TTC27: variants seen among roughly 807,000 people sequenced by gnomAD.
The protein encoded by TTC27 is tetratricopeptide repeat protein 27.
TTC27 carries 79 observed loss-of-function variants against 115.9 expected under a neutral mutation model. The observed-to-expected ratio is 0.68, with a 90% CI of 0.57 to 0.82. The LOEUF (loss-of-function observed/expected upper bound fraction) is 0.82. TTC27 is among the 40% of genes least tolerant of loss of function. The pLI, the probability that TTC27 is intolerant of heterozygous loss-of-function variation, is 0.00. For missense variants in TTC27, 1,054 were observed against 993.1 expected (o/e 1.06, Z -0.82); for synonymous variants, 401 against 356.0 (o/e 1.13, Z -1.42).
chr2:32,691,435 A>AT (rs1189239467), intron 9 of TTC27, among the ~76,000 whole-genome samples: 2 of 151,344 alleles, frequency 1.3e-5, no homozygotes, highest in Non-Finnish European at 2.9e-5. Context: ...AGTAGCTGGG[A>AT]TTACAGGCAC....
chr2:32,806,749 C>T lies in TTC27; in HGVS notation c.1999-4275C>T, dbSNP rs59338033. On this transcript the variant is annotated intron_variant, in intron 16 of 19. Coordinates refer to ENST00000317907, the MANE Select transcript of TTC27 (RefSeq NM_017735.5). ...TGAGCCAAGATCGCGCCACTGCACT[C>T]CAGCTTGACCGACAGCGAGACTTTG... Among the ~76,000 whole-genome samples the T allele has an allele frequency of 8.8e-3, 1,340 of 152,006 alleles. 12 individuals carry two copies. The highest frequency in any genetic ancestry group is 0.015 in the Non-Finnish European group (1,023 of 67,976).
chr2:32,682,096 A>G (rs1666452042), intron 9 of TTC27, among the ~76,000 whole-genome samples: 1 of 151,274 alleles, frequency 6.6e-6, no homozygotes, highest in South Asian at 2.1e-4. Flanking sequence ...TAGGCTCTCT[A>G]CAAGGGTTGT....
intron 14 of TTC27, among the ~76,000 whole-genome samples, chr2:32,782,365 A>G (rs1170634940): frequency 2.0e-5 from 3 of 152,234 alleles, no homozygotes; most frequent in African/African-American, 7.2e-5. Flanking sequence ...TTGTAAGTCT[A>G]AATTTGAAAA....
chr2:32,657,176 G>C (rs1365713161), intron 5 of TTC27, among the ~76,000 whole-genome samples: 1 of 151,518 alleles, frequency 6.6e-6, no homozygotes, highest in African/African-American at 2.4e-5. Context: ...CAGTAGAGAC[G>C]GGGTTTCACT....
At chr2:32,676,954 A>T (rs1331337164) in intron 8 of TTC27, among the ~76,000 whole-genome samples, 1 of 151,750 alleles carries the variant, frequency 6.6e-6, no homozygotes, top group Non-Finnish European at 1.5e-5. Flanking sequence ...TATTAAGAAT[A>T]TTTAATATTC....
Position 32,676,580 on chromosome 2 carries a change from G to A in TTC27, c.1053-2276G>A, listed in dbSNP as rs1172560422. On this transcript the variant is annotated intron_variant, in intron 8 of 19. Coordinates refer to ENST00000317907, the MANE Select transcript of TTC27 (RefSeq NM_017735.5). ...GATCTTGGCTCACTGCAACCTCTGC[G>A]TCCTGGGTTCAAGCAGTTCTCTGCC... 3.4e-5 allele frequency among the ~76,000 whole-genome samples: 5 copies of A among 148,388 alleles called. No individual in the cohort carries two copies. The East Asian group carries it at 1.0e-3, about 30-fold the overall frequency.
chr2:32,634,327 C>G (rs1290928624), intron 3 of TTC27, among the ~76,000 whole-genome samples: 1 of 151,608 alleles, frequency 6.6e-6, no homozygotes. Flanking sequence ...TGGTATCTCA[C>G]TCAGTCATCC....
intron 12 of TTC27, among the ~76,000 whole-genome samples, chr2:32,749,945 A>G (rs1260495913): frequency 2.6e-5 from 4 of 152,236 alleles, no homozygotes; most frequent in Non-Finnish European, 5.9e-5. Flanking sequence ...GGCCTGTTTT[A>G]TGGAAGCAGA....
chr2:32,757,485 T>C (rs1241920679), intron 12 of TTC27, among the ~76,000 whole-genome samples: 2 of 152,328 alleles, frequency 1.3e-5, no homozygotes, highest in East Asian at 1.9e-4. Flanking sequence ...CTTCACTTTA[T>C]AGCACCTCAC....
At chr2:32,675,773 A>G (rs1212545980) in intron 8 of TTC27, among the ~76,000 whole-genome samples, 1 of 151,856 alleles carries the variant, frequency 6.6e-6, no homozygotes, top group Non-Finnish European at 1.5e-5. Context: ...GGAGACTTAG[A>G]GAAGGTGAAT....
chr2:32,666,866 C>G, intron 7 of TTC27, 98 bp downstream of exon 7: 2 of 1,344,558 alleles, frequency 1.5e-6, no homozygotes, highest in Non-Finnish European at 1.0e-6. Flanking sequence ...TGGGGACAGA[C>G]TTCATTTTAT....
intron 10 of TTC27, among the ~76,000 whole-genome samples, chr2:32,707,130 G>T (rs1290238457): frequency 6.6e-6 from 1 of 152,182 alleles, no homozygotes; most frequent in Non-Finnish European, 1.5e-5. Context: ...CCTTTTAGCA[G>T]TTCTGAGCCA....
At chr2:32,782,970 AC>A (rs1413118563) in intron 15 of TTC27, among the ~76,000 whole-genome samples, 1 of 152,196 alleles carries the variant, frequency 6.6e-6, no homozygotes, top group Non-Finnish European at 1.5e-5. Flanking sequence ...ATAAAAGCAA[AC>A]ATATGTTTAG....
chr2:32,809,324 T>C (rs1030408020), intron 16 of TTC27, among the ~76,000 whole-genome samples: 2 of 152,202 alleles, frequency 1.3e-5, no homozygotes, highest in Non-Finnish European at 2.9e-5. Context: ...GCAATTGCAA[T>C]ATGCCAGGCA....
At chr2:32,685,250 G>C (rs971427385) in intron 9 of TTC27, among the ~76,000 whole-genome samples, 1 of 151,970 alleles carries the variant, frequency 6.6e-6, no homozygotes, top group Admixed American at 6.6e-5. Flanking sequence ...GGCTGTTCTT[G>C]AACTCCTGAC....
chr2:32,671,752 A>G (rs564289455), intron 7 of TTC27, among the ~76,000 whole-genome samples: 2 of 152,302 alleles, frequency 1.3e-5, no homozygotes, highest in Middle Eastern at 6.8e-3. Context: ...ATTTGTGAGA[A>G]ATTTCTCAAC....
chr2:32,797,552 A>G (rs867721580), intron 16 of TTC27, among the ~76,000 whole-genome samples: 2 of 152,184 alleles, frequency 1.3e-5, no homozygotes, highest in Admixed American at 6.5e-5. Context: ...AAAACTGCAT[A>G]TCCACATGCA....
chr2:32,729,736 T>C (rs532426909), intron 10 of TTC27, among the ~76,000 whole-genome samples: 1 of 152,186 alleles, frequency 6.6e-6, no homozygotes, highest in South Asian at 2.1e-4. Context: ...TATTCACATC[T>C]CTTCAGTCAT....
At chr2:32,741,685 A>C (rs113649411) in intron 12 of TTC27, among the ~76,000 whole-genome samples, 8 of 122,884 alleles carry the variant, frequency 6.5e-5, no homozygotes, top group African/African-American at 1.4e-4. Context: ...ACAACAACAA[A>C]AAAACAGCTG....
Sources: allele counts gnomAD v4.1 joint callset (sites outside exome capture counted in the v4.1 genomes callset), GRCh38; gene constraint gnomAD v4.1.1; transcripts MANE v1.5; gene names NCBI Gene and HGNC (gene_info 2026-07-23, HGNC 2026-07-21).